The following HUWE1 variants were observed in gnomAD, a reference collection of about 807,000 sequenced individuals.
The protein encoded by HUWE1 is E3 ubiquitin-protein ligase HUWE1.
Under a neutral mutation model 299.4 loss-of-function variants are expected in HUWE1, and 18 were observed. The observed-to-expected ratio is 0.06, with a 90% CI of 0.04 to 0.09. The LOEUF (loss-of-function observed/expected upper bound fraction) is 0.09. Ranked by LOEUF, HUWE1 falls within the 10% of genes least tolerant of loss-of-function variation. HUWE1 has a pLI of 1.00. For missense variants in HUWE1, 1,832 were observed against 3,462.3 expected (o/e 0.53, Z 11.82); for synonymous variants, 1,317 against 1,286.1 (o/e 1.02, Z -0.51).
intron 19 of HUWE1, among the ~76,000 whole-genome samples, chrX:53,622,116 C>T (rs1054178053): frequency 9.0e-6 from 1 of 111,688 alleles, no homozygotes; most frequent in South Asian, 3.8e-4. Flanking sequence ...AGCAGGACAT[C>T]GTGACCTCAC....
intron 28 of HUWE1, among the ~76,000 whole-genome samples, chrX:53,602,334 GT>G (rs78904716): frequency 5.6e-4 from 52 of 93,537 alleles, no homozygotes; most frequent in Admixed American, 7.2e-4. Flanking sequence ...CTTCCAAAAT[GT>G]TTTTTTTTTT....
rs782534579 is a variant in HUWE1 at position 53,660,430 on chromosome X, T to C, written c.-24-6299A>G. Among the ~76,000 whole-genome samples, 4 of 112,662 alleles carry C rather than the reference T, an allele frequency of 3.6e-5. No homozygotes were observed. In the South Asian group the frequency reaches 1.5e-3, roughly 41 times the overall value. On this transcript the variant is annotated intron_variant, in intron 3 of 83. Coordinates refer to ENST00000262854, the MANE Select transcript of HUWE1 (RefSeq NM_031407.7). ...AGTCCTACCTTGGTGTCTATAATTC[T>C]ACTGCAAGAAACATTTGTAGTTTAA...
chrX:53,639,552 T>C (rs970132004), intron 7 of HUWE1, among the ~76,000 whole-genome samples: 3 of 111,616 alleles, frequency 2.7e-5, no homozygotes, highest in Non-Finnish European at 5.6e-5. Flanking sequence ...GGATGTAAGG[T>C]ATCCTGCATT....
At chrX:53,616,611 C>T (rs2065817919) in intron 21 of HUWE1, among the ~76,000 whole-genome samples, 1 of 111,454 alleles carries the variant, frequency 9.0e-6, no homozygotes, top group African/African-American at 3.3e-5. Context: ...AAAAAATATC[C>T]ATGTGTCGTT....
chrX:53,578,197 G>A (rs1556961398), intron 43 of HUWE1, among the ~76,000 whole-genome samples: 1 of 101,004 alleles, frequency 9.9e-6, no homozygotes, highest in Admixed American at 1.0e-4. Context: ...TGTGAGGAGC[G>A]CCTCTGCTGG....
At chrX:53,643,699 T>C (rs1179790696) in intron 7 of HUWE1, among the ~76,000 whole-genome samples, 1 of 112,283 alleles carries the variant, frequency 8.9e-6, no homozygotes, top group Admixed American at 9.4e-5. Context: ...GGAAGAGCTA[T>C]CTGTTTCTGT....
Position 53,552,642 on chromosome X carries a change from C to T in HUWE1, c.8746G>A (p.Asp2916Asn), listed in dbSNP as rs369858708. ...CTTTTGCCCACACATGCTTACCTGT[C>T]CTCAGGTGGCTGGGCAGATTCCCCT... ...GSGESAQPPE[D>N]SSPPASSESS... Residue 2916 changes from aspartate to asparagine, a missense_variant, in exon 62 of 84, where the codon GAC becomes AAC. Asp to Asn is a conservative substitution (Grantham distance 23, BLOSUM62 1). Coordinates refer to ENST00000262854, the MANE Select transcript of HUWE1 (RefSeq NM_031407.7). 5 of 1,211,947 alleles carry T rather than the reference C, an allele frequency of 4.1e-6. No individual in the cohort carries two copies. The highest frequency in any genetic ancestry group is 5.6e-6 in the Non-Finnish European group (5 of 895,594).
intron 6 of HUWE1, among the ~76,000 whole-genome samples, chrX:53,646,284 A>G (rs782289762): frequency 9.1e-6 from 1 of 110,054 alleles, no homozygotes; most frequent in African/African-American, 3.3e-5. Flanking sequence ...AAGTCTCCCG[A>G]GTAGCTAGGA....
Position 53,615,437 on chromosome X carries a change from A to G in HUWE1, c.2049+307T>C, listed in dbSNP as rs149479976. On this transcript the variant is annotated intron_variant, in intron 22 of 83. Coordinates refer to ENST00000262854, the MANE Select transcript of HUWE1 (RefSeq NM_031407.7). ...GAAACGGGGCTTCACCATGTTGTCC[A>G]GGCTGGTCTCAAACTCCTGGCCTCA... is the stretch of plus-strand genomic sequence containing the variant. 1.1e-3 allele frequency among the ~76,000 whole-genome samples: 126 copies of G among 110,795 alleles called. No homozygotes were observed. The East Asian group carries it at 0.034, about 30-fold the overall frequency.
intron 43 of HUWE1, among the ~76,000 whole-genome samples, chrX:53,577,508 TCC>T (rs1556960134): frequency 2.6e-4 from 21 of 79,336 alleles, no homozygotes; most frequent in East Asian, 4.4e-4. Flanking sequence ...CCTCTCCCTC[TCC>T]CTCTCCCTCT....
intron 53 of HUWE1, among the ~76,000 whole-genome samples, chrX:53,562,554 G>A (rs1304903506): frequency 2.7e-5 from 3 of 111,561 alleles, no homozygotes; most frequent in East Asian, 2.8e-4. Context: ...CTTTGCTATT[G>A]ACTATATCCT....
intron 41 of HUWE1, 122 bp downstream of exon 41, chrX:53,584,064 A>G: frequency 1.2e-6 from 1 of 813,834 alleles, no homozygotes; most frequent in Non-Finnish European, 1.8e-6. Flanking sequence ...GAAAAAGCAT[A>G]AGGGAGGCCT....
At chrX:53,610,394 T>C (rs1489738533) in intron 23 of HUWE1, among the ~76,000 whole-genome samples, 12 of 112,047 alleles carry the variant, frequency 1.1e-4, no homozygotes, top group African/African-American at 3.9e-4. Context: ...CTTCCCCTCA[T>C]CTTTTGGCTC....
chrX:53,622,873 A>C (rs1239868614), intron 19 of HUWE1, among the ~76,000 whole-genome samples: 1 of 112,345 alleles, frequency 8.9e-6, no homozygotes, highest in African/African-American at 3.2e-5. Flanking sequence ...ACCTGGAGTG[A>C]AAGGCTCTGT....
At chrX:53,643,042 T>C (rs1386642269) in intron 7 of HUWE1, among the ~76,000 whole-genome samples, 1 of 112,480 alleles carries the variant, frequency 8.9e-6, no homozygotes, top group Non-Finnish European at 1.9e-5. Flanking sequence ...TTGGTAACTA[T>C]ACTATTTAGT....
chrX:53,609,499 G>A (rs1312228679), intron 23 of HUWE1, among the ~76,000 whole-genome samples: 1 of 111,894 alleles, frequency 8.9e-6, no homozygotes, highest in Non-Finnish European at 1.9e-5. Flanking sequence ...CCTAACAATT[G>A]GTATTTGCAG....
chrX:53,611,940 TGA>T (rs1491465072), intron 23 of HUWE1, among the ~76,000 whole-genome samples: 1 of 109,963 alleles, frequency 9.1e-6, no homozygotes, highest in Non-Finnish European at 1.9e-5. Context: ...GGAAAACAAA[TGA>T]GAGCATGGGA....
intron 29 of HUWE1, among the ~76,000 whole-genome samples, chrX:53,595,690 G>A (rs1556984346): frequency 8.9e-6 from 1 of 111,899 alleles, no homozygotes; most frequent in Non-Finnish European, 1.9e-5. Context: ...CCATATTTAA[G>A]TTAAATGATA....
At chrX:53,666,029 G>A (rs1348329291) in intron 3 of HUWE1, among the ~76,000 whole-genome samples, 1 of 112,063 alleles carries the variant, frequency 8.9e-6, no homozygotes, top group Admixed American at 9.5e-5. Flanking sequence ...AAGCCTGCCT[G>A]TATCGAATAG....
Sources: allele counts gnomAD v4.1 joint callset (sites outside exome capture counted in the v4.1 genomes callset), GRCh38; gene constraint gnomAD v4.1.1; transcripts MANE v1.5; gene names NCBI Gene and HGNC (gene_info 2026-07-23, HGNC 2026-07-21).